NEGR1: variants seen among roughly 807,000 people sequenced by gnomAD.
NEGR1 encodes the protein IgLON family member 4.
Under a neutral mutation model 40.9 loss-of-function variants are expected in NEGR1, and 10 were observed. That is an observed-to-expected ratio of 0.24 (90% CI 0.15 to 0.42). The LOEUF (loss-of-function observed/expected upper bound fraction) is 0.42, where lower values mean the gene tolerates loss of function less well. NEGR1 is among the 10% of genes least tolerant of loss of function. The pLI, the probability that NEGR1 is intolerant of heterozygous loss-of-function variation, is 1.00. For missense variants in NEGR1, 352 were observed against 438.9 expected, an observed-to-expected ratio of 0.80 and a Z score of 1.77; for synonymous variants, 185 against 166.8, an observed-to-expected ratio of 1.11 and a Z score of -0.84.
chr1:72,086,401 T>A (rs111311115), intron 1 of NEGR1, among the ~76,000 whole-genome samples: 2,333 of 152,316 alleles, frequency 0.015, 58 homozygotes, highest in African/African-American at 0.053. Context: ...AGATTTCTGT[T>A]AAGTATCCTT....
At chr1:71,805,400 G>A (rs568398085) in intron 2 of NEGR1, among the ~76,000 whole-genome samples, 4 of 152,160 alleles carry the variant, frequency 2.6e-5, no homozygotes, top group South Asian at 4.2e-4. Context: ...GGAACCTGCC[G>A]ACATGTGATG....
At chr1:71,615,944 C>T (rs773055663) in intron 4 of NEGR1, among the ~76,000 whole-genome samples, 3 of 152,178 alleles carry the variant, frequency 2.0e-5, no homozygotes, top group Non-Finnish European at 2.9e-5. Context: ...TTAAATAGAT[C>T]ATTGCTCACA....
At chr1:71,822,853 C>A (rs1209607817) in intron 2 of NEGR1, among the ~76,000 whole-genome samples, 2 of 151,950 alleles carry the variant, frequency 1.3e-5, no homozygotes, top group Non-Finnish European at 2.9e-5. Context: ...GACTACAGGA[C>A]CCACTAGTTG....
intron 3 of NEGR1, among the ~76,000 whole-genome samples, chr1:71,743,543 T>C (rs1352093584): frequency 6.6e-6 from 1 of 152,166 alleles, no homozygotes; most frequent in African/African-American, 2.4e-5. Context: ...TCTTTCAGTA[T>C]GGTATTTTTA....
At chr1:71,664,150 C>A (rs954432589) in intron 4 of NEGR1, among the ~76,000 whole-genome samples, 3 of 152,012 alleles carry the variant, frequency 2.0e-5, no homozygotes, top group Non-Finnish European at 4.4e-5. Flanking sequence ...AGTTTCAAAC[C>A]CTACTCCTTT....
intron 6 of NEGR1, among the ~76,000 whole-genome samples, chr1:71,537,330 A>T (rs891977109): frequency 6.6e-6 from 1 of 151,692 alleles, no homozygotes; most frequent in African/African-American, 2.4e-5. Flanking sequence ...TTCCAGAAGA[A>T]ATATCCTATT....
intron 1 of NEGR1, among the ~76,000 whole-genome samples, chr1:72,050,895 T>G (rs1038415157): frequency 1.3e-5 from 2 of 151,428 alleles, no homozygotes; most frequent in Non-Finnish European, 3.0e-5. Flanking sequence ...GAACAGAAGT[T>G]TTCTTAATAG....
chr1:71,894,367 A>G (rs1427426734), intron 2 of NEGR1, among the ~76,000 whole-genome samples: 1 of 152,182 alleles, frequency 6.6e-6, no homozygotes, highest in Non-Finnish European at 1.5e-5. Flanking sequence ...TTGAAACAGG[A>G]ATAGGGGCTC....
chr1:71,744,807 T>C (rs1655332089), intron 3 of NEGR1, among the ~76,000 whole-genome samples: 1 of 152,212 alleles, frequency 6.6e-6, no homozygotes, highest in South Asian at 2.1e-4. Flanking sequence ...TTATTCTTAC[T>C]GCACTTTATG....
chr1:71,611,163 C>A lies in NEGR1; in HGVS notation c.668-17G>T, dbSNP rs749275382. On this transcript the variant is annotated splice_polypyrimidine_tract_variant and intron_variant, in intron 4 of 6. Transcript: ENST00000357731. ...TAGGAGCAACTGCAAAAGAAACAAA[C>A]AAACAAATACTAGTAGATAAGTAAA... 3 of 1,607,988 alleles carry A rather than the reference C, an allele frequency of 1.9e-6. No individual in the cohort carries two copies. Among genetic ancestry groups the A allele is most frequent in the Non-Finnish European group, 8.5e-7 (1 of 1,175,174 alleles).
intron 1 of NEGR1, among the ~76,000 whole-genome samples, chr1:72,133,379 T>C (rs1001660724): frequency 3.9e-5 from 6 of 152,082 alleles, no homozygotes; most frequent in African/African-American, 1.4e-4. Flanking sequence ...ATGGGAAATA[T>C]GTGTTTTCTG....
intron 6 of NEGR1, among the ~76,000 whole-genome samples, chr1:71,478,191 CAT>C (rs1475167213): frequency 5.9e-5 from 9 of 152,034 alleles, no homozygotes; most frequent in African/African-American, 2.2e-4. Flanking sequence ...TCTGTGTACA[CAT>C]GTGTATCGAA....
chr1:71,633,772 A>C (rs1291091329), intron 4 of NEGR1, among the ~76,000 whole-genome samples: 1 of 152,110 alleles, frequency 6.6e-6, no homozygotes, highest in Non-Finnish European at 1.5e-5. Flanking sequence ...CTGATTGGCA[A>C]GCTGTCAGCA....
At chr1:71,748,405 T>C (rs867882464) in intron 3 of NEGR1, among the ~76,000 whole-genome samples, 1 of 152,178 alleles carries the variant, frequency 6.6e-6, no homozygotes, top group Non-Finnish European at 1.5e-5. Context: ...AGTATATATA[T>C]GTATACATAT....
intron 1 of NEGR1, among the ~76,000 whole-genome samples, chr1:72,278,552 G>T (rs1656136976): frequency 6.6e-6 from 1 of 151,970 alleles, no homozygotes; most frequent in African/African-American, 2.4e-5. Flanking sequence ...ACTGCAAAAT[G>T]ATTTTTTTAA....
rs928509325 is a variant in NEGR1 at position 71,407,176 on chromosome 1, T to C, written c.*270A>G. 1 of 247,618 alleles carries C rather than the reference T, an allele frequency of 4.0e-6. No homozygotes were observed. Among genetic ancestry groups the C allele is most frequent in the African/African-American group, 2.2e-5 (1 of 44,466 alleles). The allele number at this position is 247,618 out of a possible 1,614,324, so 15.3% of individuals were successfully genotyped here. ...TTTGAAAAGTTGTAGATTACAAACA[T>C]GAAATCACAATTAATATCCTCTAAA... is the stretch of plus-strand genomic sequence containing the variant. On this transcript the variant is annotated 3_prime_UTR_variant, in exon 7 of 7. Transcript: ENST00000357731.
intron 1 of NEGR1, among the ~76,000 whole-genome samples, chr1:72,214,632 A>G (rs892226407): frequency 1.3e-5 from 2 of 152,098 alleles, no homozygotes; most frequent in African/African-American, 4.8e-5. Context: ...AGAGAATAAA[A>G]TACCTAGGAA....
chr1:71,457,236 G>T (rs1404029161), intron 6 of NEGR1, among the ~76,000 whole-genome samples: 2 of 152,106 alleles, frequency 1.3e-5, no homozygotes, highest in East Asian at 3.8e-4. Context: ...CTACCTGGCT[G>T]CCAGAATAAT....
intron 1 of NEGR1, among the ~76,000 whole-genome samples, chr1:72,045,439 G>A (rs1646992248): frequency 6.6e-6 from 1 of 151,732 alleles, no homozygotes; most frequent in Non-Finnish European, 1.5e-5. Flanking sequence ...TGTGTTGTGG[G>A]AAAGACCAAA....
Sources: gnomAD v4.1 joint callset for allele counts (sites outside exome capture counted in the v4.1 genomes callset) on GRCh38, gnomAD v4.1.1 for gene constraint, MANE v1.5 for transcripts, NCBI Gene and HGNC (gene_info 2026-07-23, HGNC 2026-07-21) for gene names.